SLC36A1: variants seen among roughly 807,000 people sequenced by gnomAD.
SLC36A1 encodes the protein solute carrier family 36 member 1, also known as proton-coupled amino acid transporter 1.
Under a neutral mutation model 47.5 loss-of-function variants are expected in SLC36A1, and 30 were observed. The ratio of observed to expected loss-of-function variants is 0.63; its 90% CI spans 0.47 to 0.86. SLC36A1 has a LOEUF of 0.86. Among genes scored for constraint, SLC36A1 ranks in the 40% least tolerant of loss-of-function variants. SLC36A1 has a pLI of 0.00. For missense variants in SLC36A1, 517 were observed against 606.0 expected, an observed-to-expected ratio of 0.85 and a Z score of 1.54; for synonymous variants, 255 against 249.7, an observed-to-expected ratio of 1.02 and a Z score of -0.20.
At chr5:151,440,062 AC>A in intron 1 of SLC36A1, among the ~76,000 whole-genome samples, 1 of 152,274 alleles carries the variant, frequency 6.6e-6, no homozygotes, top group Middle Eastern at 3.4e-3. Context: ...TACCCAGACC[AC>A]CCACAGGAGT....
At chr5:151,537,277 TGGAGGAGGAGGA>T in the SLC36A1 span, among the ~76,000 whole-genome samples, 1 of 132,778 alleles carries the variant, frequency 7.5e-6, no homozygotes, top group Non-Finnish European at 1.6e-5. Context: ...ATGGTGGTGG[TGGAGGAGGAGGA>T]GGAGGAGGGA....
At chr5:151,522,243 C>T in the SLC36A1 span, 1 of 586,448 alleles carries the variant, frequency 1.7e-6, no homozygotes, top group Non-Finnish European at 3.0e-6. Context: ...AAAAACCTAA[C>T]TCCAAAAGCA....
chr5:151,442,209 C>T (rs985815875), intron 1 of SLC36A1, among the ~76,000 whole-genome samples: 5 of 151,984 alleles, frequency 3.3e-5, no homozygotes, highest in African/African-American at 4.8e-5. Flanking sequence ...TGATGTTATG[C>T]GATACTTATA....
At chr5:151,539,160 C>G in the SLC36A1 span, among the ~76,000 whole-genome samples, 1 of 152,120 alleles carries the variant, frequency 6.6e-6, no homozygotes, top group Non-Finnish European at 1.5e-5. Flanking sequence ...CCCAAAAAAG[C>G]CTCCCTTCTG....
the SLC36A1 span, among the ~76,000 whole-genome samples, chr5:151,431,614 C>T: frequency 4.6e-5 from 7 of 152,222 alleles, no homozygotes; most frequent in Non-Finnish European, 7.4e-5. Flanking sequence ...GTGCTATTCA[C>T]GTGATAGTGA....
intron 1 of SLC36A1, among the ~76,000 whole-genome samples, chr5:151,453,843 C>T (rs962240685): frequency 2.7e-5 from 4 of 150,570 alleles, no homozygotes; most frequent in Non-Finnish European, 4.4e-5. Flanking sequence ...TTAACACCTA[C>T]AAATTTTTAT....
chr5:151,403,348 G>T, the SLC36A1 span, among the ~76,000 whole-genome samples: 1 of 152,194 alleles, frequency 6.6e-6, no homozygotes, highest in South Asian at 2.1e-4. Context: ...GCCTGGTGGG[G>T]GTGATTAAAT....
upstream of SLC36A1, among the ~76,000 whole-genome samples, chr5:151,436,407 T>A (rs1233955436): frequency 6.6e-6 from 1 of 152,036 alleles, no homozygotes; most frequent in Non-Finnish European, 1.5e-5. Flanking sequence ...GAGTGGATGT[T>A]GAGGGCCACC....
At chr5:151,350,251 T>C in the SLC36A1 span, among the ~76,000 whole-genome samples, 1 of 152,324 alleles carries the variant, frequency 6.6e-6, no homozygotes. Context: ...GTCTATTCTA[T>C]GTGCCAAGCT....
chr5:151,549,374 G>A, the SLC36A1 span: 75 of 1,613,802 alleles, frequency 4.6e-5, no homozygotes, highest in African/African-American at 3.1e-4. Context: ...GCTCTGTGCC[G>A]GGGGCTATGG....
intron 7 of SLC36A1, 52 bp downstream of exon 7, chr5:151,467,977 C>A: frequency 1.3e-6 from 2 of 1,525,222 alleles, no homozygotes; most frequent in Non-Finnish European, 1.8e-6. Context: ...TTAAAAAAGC[C>A]AGGCGTGGTA....
the SLC36A1 span, among the ~76,000 whole-genome samples, chr5:151,517,920 CTT>C: frequency 6.6e-6 from 1 of 152,120 alleles, no homozygotes; most frequent in Non-Finnish European, 1.5e-5. Flanking sequence ...TGTGCCATAC[CTT>C]TCTAGCCTCA....
the SLC36A1 span, among the ~76,000 whole-genome samples, chr5:151,358,554 T>G: frequency 6.6e-6 from 1 of 152,240 alleles, no homozygotes; most frequent in Non-Finnish European, 1.5e-5. Flanking sequence ...TTAACACTTC[T>G]CATCTGGTGC....
chr5:151,370,017 T>G, the SLC36A1 span, among the ~76,000 whole-genome samples: 1 of 151,888 alleles, frequency 6.6e-6, no homozygotes, highest in Non-Finnish European at 1.5e-5. Flanking sequence ...GCCAGGCTGG[T>G]CTCGAACTCC....
chr5:151,395,782 GAATA>G, the SLC36A1 span, among the ~76,000 whole-genome samples: 1 of 152,112 alleles, frequency 6.6e-6, no homozygotes, highest in Non-Finnish European at 1.5e-5. Flanking sequence ...AACACTCAGT[GAATA>G]CTTACTGTTA....
chr5:151,497,760 C>T, the SLC36A1 span, among the ~76,000 whole-genome samples: 1 of 152,012 alleles, frequency 6.6e-6, no homozygotes, highest in Non-Finnish European at 1.5e-5. Context: ...GCATCCTGGG[C>T]CTCTGCCCAC....
the SLC36A1 span, among the ~76,000 whole-genome samples, chr5:151,538,906 G>A: frequency 2.6e-5 from 4 of 151,164 alleles, no homozygotes; most frequent in Admixed American, 6.6e-5. Context: ...GGCTGGTCTC[G>A]AACCCCTGAC....
At chr5:151,524,470 T>G in the SLC36A1 span, among the ~76,000 whole-genome samples, 1 of 152,156 alleles carries the variant, frequency 6.6e-6, no homozygotes, top group African/African-American at 2.4e-5. Flanking sequence ...CAGTCTGCCA[T>G]TCAGAAGAGG....
the SLC36A1 span, chr5:151,507,368 G>A: frequency 1.7e-5 from 28 of 1,614,070 alleles, no homozygotes; most frequent in Non-Finnish European, 2.2e-5. Flanking sequence ...GGTTGAGCTC[G>A]ATGGCAGGCA....
Sources: allele counts gnomAD v4.1 joint callset (sites outside exome capture counted in the v4.1 genomes callset), GRCh38; gene constraint gnomAD v4.1.1; transcripts MANE v1.5; gene names NCBI Gene and HGNC (gene_info 2026-07-23, HGNC 2026-07-21).